Variants in OS9 observed in about 807,000 individuals in gnomAD.
OS9 encodes OS9 endoplasmic reticulum lectin.
A neutral mutation model predicts 84.7 loss-of-function variants in OS9; 58 were observed. That is an observed-to-expected ratio of 0.68 (90% CI 0.55 to 0.85). The LOEUF (loss-of-function observed/expected upper bound fraction) is 0.85. Ranked by LOEUF, OS9 falls within the 40% of genes least tolerant of loss-of-function variation. The probability of loss-of-function intolerance (pLI) is 0.00; values close to 1 mark genes in which losing one functional copy is unlikely to be tolerated. For missense variants in OS9, 760 were observed against 850.9 expected (o/e 0.89, Z 1.33); for synonymous variants, 278 against 320.8 (o/e 0.87, Z 1.43).
At chr12:57,700,003 G>A (rs1429568764) in intron 5 of OS9, among the ~76,000 whole-genome samples, 1 of 152,132 alleles carries the variant, frequency 6.6e-6, no homozygotes, top group African/African-American at 2.4e-5. Flanking sequence ...GCTGAGGCAG[G>A]AGAATTGCTT....
Position 57,695,996 on chromosome 12 carries a change from C to G in OS9, c.438C>G (p.Gly146=). Residue 146 remains glycine, a synonymous_variant, in exon 4 of 15, where the codon GGC becomes GGG. Coordinates refer to ENST00000315970, the MANE Select transcript of OS9 (RefSeq NM_006812.4). ...SEIKGEVLYL[G]YYQSAFDWDD... ...TCAAAGGTGAAGTCCTCTATCTCGG[C>G]TACTACCAATCAGCCTTCGACTGGG... 6.2e-7 allele frequency: 1 copy of G among 1,613,686 alleles called. No homozygotes were observed. The highest frequency in any genetic ancestry group is 8.5e-7 in the Non-Finnish European group (1 of 1,179,570).
Position 57,696,464 on chromosome 12 carries a change from G to C in OS9, c.579+91G>C, listed in dbSNP as rs1031087385. The stretch of plus-strand genomic sequence containing the variant: ...TGCATCTTATAGTCGGGGCGGGGGC[G>C]GGGGGGGTCCCCTCCCAGACCCTAA... On this transcript the variant is annotated intron_variant, in intron 5 of 14. Coordinates refer to ENST00000315970, the MANE Select transcript of OS9 (RefSeq NM_006812.4). 18 of 430,050 alleles carry C rather than the reference G, an allele frequency of 4.2e-5. 2 individuals are homozygous for C. The highest frequency in any genetic ancestry group is 3.9e-4 in the Admixed American group (8 of 20,368). The allele number at this position is 430,050 out of a possible 1,614,324, so 26.6% of individuals were successfully genotyped here.
At chr12:57,712,159 G>C (rs1247287547) in intron 5 of OS9, among the ~76,000 whole-genome samples, 1 of 152,036 alleles carries the variant, frequency 6.6e-6, no homozygotes, top group Non-Finnish European at 1.5e-5. Flanking sequence ...GCTGGCTCTT[G>C]GTTTAGTGTG....
At chr12:57,713,826 A>G (rs1260403733) in intron 5 of OS9, among the ~76,000 whole-genome samples, 1 of 151,392 alleles carries the variant, frequency 6.6e-6, no homozygotes, top group African/African-American at 2.4e-5. Context: ...GCAAATTCTC[A>G]CTATTCAAGA....
At chr12:57,715,066 CT>C (rs1354497225) in intron 5 of OS9, among the ~76,000 whole-genome samples, 1 of 151,874 alleles carries the variant, frequency 6.6e-6, no homozygotes, top group Non-Finnish European at 1.5e-5. Flanking sequence ...TATATATACA[CT>C]TTAAAAAAAA....
Position 57,718,159 on chromosome 12 carries a change from T to C in OS9, c.1148T>C (p.Ile383Thr). The C allele has an allele frequency of 5.6e-6, 9 of 1,613,620 alleles. No homozygotes were observed. The highest frequency in any genetic ancestry group is 2.2e-5 in the South Asian group (2 of 91,048). Residue 383 changes from isoleucine (I) to threonine (T), a missense_variant, in exon 11 of 15, where the codon ATA becomes ACA. Transcript: ENST00000315970. ...CTACCCACCCAGGGGAAGCCAAATA[T>C]AGGCCAAGAGCAGCCTGTGGATGAT... ...KGGTKKGKPN[I>T]GQEQPVDDAA...
rs1954647682 is a variant in OS9 at position 57,720,501 on chromosome 12, A to AT, written c.1862dup (p.Phe622LeufsTer10). On this transcript the variant is annotated frameshift_variant, in exon 14 of 15. Coordinates refer to ENST00000315970, the MANE Select transcript of OS9 (RefSeq NM_006812.4). LOFTEE classifies it high-confidence loss of function. ...TGAGGACACGAGAAACCTCAAGGAGATCTTCTTCAATATCTTGGTAAGAGG... is the reference window on the plus strand; with the variant it reads ...TGAGGACACGAGAAACCTCAAGGAGATTCTTCTTCAATATCTTGGTAAGAGG... 6.2e-7 allele frequency: 1 copy of AT among 1,610,214 alleles called. No individual in the cohort carries two copies. The highest frequency in any genetic ancestry group is 8.5e-7 in the Non-Finnish European group (1 of 1,176,478).
rs553088959 is a variant in OS9, at chr12:57,705,130, G to A, written c.579+8757G>A. Among the ~76,000 whole-genome samples, 36 of 152,114 alleles carry A rather than the reference G, an allele frequency of 2.4e-4. No homozygotes were observed. In the South Asian group the frequency reaches 6.6e-3, roughly 28 times the overall value. On this transcript the variant is annotated intron_variant, in intron 5 of 14. Transcript: ENST00000315970. ...CTATCTATTCCTATGTCATTACCAC[G>A]TTGTTTTAATTACTATAGCTTTTTC...
At chr12:57,699,383 A>G (rs940334813) in intron 5 of OS9, among the ~76,000 whole-genome samples, 1 of 152,190 alleles carries the variant, frequency 6.6e-6, no homozygotes, top group Admixed American at 6.5e-5. Context: ...AACAGTATCT[A>G]ATGAGAAAAG....
Position 57,720,987 on chromosome 12 carries a change from T to G in OS9, c.*78T>G. ...TTGCCTCCTCCCCACCTCCCCACCC[T>G]GGAACCCCTGAGGGCCAAACAGCAG... On this transcript the variant is annotated 3_prime_UTR_variant, in exon 15 of 15. Coordinates refer to ENST00000315970, the MANE Select transcript of OS9 (RefSeq NM_006812.4). The G allele has an allele frequency of 2.4e-5, 37 of 1,546,068 alleles. No homozygotes were observed. The highest frequency in any genetic ancestry group is 3.3e-5 in the Non-Finnish European group (37 of 1,124,558).
chr12:57,695,922 T>C (rs1565764718), intron 3 of OS9, 40 bp from the exon 4 acceptor site: 2 of 1,580,108 alleles, frequency 1.3e-6, no homozygotes, highest in Non-Finnish European at 8.7e-7. Flanking sequence ...CTCCTCCTCC[T>C]CTTAAGAGTA....
chr12:57,716,356 C>G, intron 7 of OS9, 56 bp from the exon 8 acceptor site: 1 of 1,428,222 alleles, frequency 7.0e-7, no homozygotes, highest in Non-Finnish European at 9.7e-7. Flanking sequence ...CCTATTTGCT[C>G]CCTTCTGTCT....
At chr12:57,710,062 A>G (rs1954283882) in intron 5 of OS9, among the ~76,000 whole-genome samples, 1 of 152,130 alleles carries the variant, frequency 6.6e-6, no homozygotes, top group African/African-American at 2.4e-5. Flanking sequence ...CATGTTGGCC[A>G]GGCTGGTCTC....
chr12:57,696,665 G>A (rs186292374), intron 5 of OS9, among the ~76,000 whole-genome samples: 4 of 152,124 alleles, frequency 2.6e-5, no homozygotes, highest in Middle Eastern at 3.4e-3. Context: ...GCGTGGTAGC[G>A]GGTGCCTATA....
rs1343436800 is a variant in OS9 at position 57,716,499 on chromosome 12, A to T, written c.980A>T (p.Glu327Val). The T allele has an allele frequency of 2.5e-6, 4 of 1,573,122 alleles. No individual in the cohort carries two copies. Among genetic ancestry groups the T allele is most frequent in the Admixed American group, 3.8e-5 (2 of 53,096 alleles). ...EPEDQAPGGEEVPAEEQDPSP... is the reference protein window; with the variant it reads ...EPEDQAPGGEVVPAEEQDPSP... ...GAGGACCAGGCCCCAGGAGGGGAGGAGGTGCCGGCTGAGGTGAGACCAGCT... is the reference window on the plus strand; with the variant it reads ...GAGGACCAGGCCCCAGGAGGGGAGGTGGTGCCGGCTGAGGTGAGACCAGCT... Residue 327 changes from glutamate (E) to valine (V), a missense_variant, in exon 8 of 15, where the codon GAG (glutamate) becomes GTG (valine). Coordinates refer to ENST00000315970, the MANE Select transcript of OS9 (RefSeq NM_006812.4).
intron 13 of OS9, 65 bp from the exon 14 acceptor site, chr12:57,720,341 G>A: frequency 1.2e-6 from 2 of 1,604,074 alleles, no homozygotes; most frequent in Non-Finnish European, 1.7e-6. Context: ...GGACCAGTGG[G>A]GCAGGGGGCC....
rs1954477176 is a variant in OS9, at chr12:57,715,989, A to C, written c.790+19A>C. On this transcript the variant is annotated intron_variant, in intron 6 of 14. Transcript: ENST00000315970. ...CAAGCCGGTGAGTAATTAGAGAAGG[A>C]GGAGAAGACGGGGAGATACGGGGGC... 1 of 1,609,182 alleles carries C rather than the reference A, an allele frequency of 6.2e-7. No individual in the cohort carries two copies. Among genetic ancestry groups the C allele is most frequent in the African/African-American group, 1.3e-5 (1 of 74,842 alleles).
In OS9 at chr12:57,694,976, A is replaced by T. The variant is rs753152694; in HGVS notation, c.339+50A>T. On this transcript the variant is annotated intron_variant, in intron 2 of 14. Transcript: ENST00000315970. ...ATGAGGGCTTGGAAACTAGCAGTTCATCCAAGAACTGGAGTCCACTGAATG... is the reference window on the plus strand; with the variant it reads ...ATGAGGGCTTGGAAACTAGCAGTTCTTCCAAGAACTGGAGTCCACTGAATG... The T allele has an allele frequency of 8.4e-6, 13 of 1,544,178 alleles. No individual in the cohort carries two copies. The South Asian group carries it at 8.9e-5, about 11-fold the overall frequency.
chr12:57,707,232 T>G (rs897317656), intron 5 of OS9, among the ~76,000 whole-genome samples: 1 of 152,256 alleles, frequency 6.6e-6, no homozygotes, highest in African/African-American at 2.4e-5. Context: ...ATCCTCTCTG[T>G]TGTTCATTTA....
Sources: gnomAD v4.1 joint callset for allele counts (sites outside exome capture counted in the v4.1 genomes callset) on GRCh38, gnomAD v4.1.1 for gene constraint, MANE v1.5 for transcripts, NCBI Gene and HGNC (gene_info 2026-07-23, HGNC 2026-07-21) for gene names.